F5: variants seen among roughly 807,000 people sequenced by gnomAD.
The protein encoded by F5 is activated protein c cofactor.
In F5, 138 loss-of-function variants were observed where a neutral mutation model predicts 216.4. The ratio of observed to expected loss-of-function variants is 0.64; its 90% confidence interval spans 0.56 to 0.73. F5 has a LOEUF of 0.73. Among genes scored for constraint, F5 ranks in the 30% least tolerant of loss-of-function variants. The pLI, the probability that F5 is intolerant of heterozygous loss-of-function variation, is 0.00. For synonymous variants in F5, 916 were observed against 930.7 expected (o/e 0.98, Z 0.29); for missense variants, 2,403 against 2,674.0 (o/e 0.90, Z 2.24).
chr1:169,554,212 G>A (rs560909461), intron 7 of F5, among the ~76,000 whole-genome samples: 3 of 85,480 alleles, frequency 3.5e-5, no homozygotes, highest in African/African-American at 1.2e-4. Context: ...AATTTCATGC[G>A]TGTAATTCCA....
At position 169,529,802 on chromosome 1, in the gene F5, G is replaced by A; in HGVS notation, c.5225C>T (p.Ser1742Leu). ...SAVNPEKDIH[S>L]GLIGPLLICQ... ...GATTAGGAGGGGACCTATCAAGCCT[G>A]AGTGAATATCTTTTTCCTGGAAAAA... is the stretch of plus-strand genomic sequence containing the variant. Residue 1742 changes from serine to leucine, a missense_variant, in exon 16 of 25, where the codon TCA (serine) becomes TTA (leucine). Ser to Leu is a moderately radical substitution (Grantham distance 145). This residue lies in a region of F5 where 659 missense variants were observed against 787.9 expected (regional missense o/e 0.84). Coordinates refer to ENST00000367797, the MANE Select transcript of F5 (RefSeq NM_000130.5). 1 of 1,613,380 alleles carries A rather than the reference G, an allele frequency of 6.2e-7. No homozygotes were observed. The highest frequency in any genetic ancestry group is 8.5e-7 in the Non-Finnish European group (1 of 1,179,558).
In F5 at chr1:169,511,973, AT is replaced by A. The variant is rs1271476441; in HGVS notation, c.*2339del. 6.6e-6 allele frequency among the ~76,000 whole-genome samples: 1 copy of A among 152,018 alleles called. No homozygotes were observed. The highest frequency in any genetic ancestry group is 1.5e-5 in the Non-Finnish European group (1 of 67,952). On this transcript the variant is annotated 3_prime_UTR_variant, in exon 25 of 25. Transcript: ENST00000367797. ...GAAATAAAAAGTGGGTATCTTTTTT[AT>A]TTCAAAATAACAGGGGTTTTAATAT...
At chr1:169,516,597 T>C (rs1356142872) in intron 23 of F5, among the ~76,000 whole-genome samples, 1 of 152,224 alleles carries the variant, frequency 6.6e-6, no homozygotes, top group East Asian at 1.9e-4. Flanking sequence ...CATCCTCTAG[T>C]GACATCTGGG....
At chr1:169,583,104 A>G (rs531946243) in intron 1 of F5, among the ~76,000 whole-genome samples, 1 of 152,348 alleles carries the variant, frequency 6.6e-6, no homozygotes, top group African/African-American at 2.4e-5. Flanking sequence ...AACCAAGATT[A>G]AAAAATGTGA....
At position 169,530,832 on chromosome 1, in the gene F5, G is replaced by C; in HGVS notation, c.5162C>G (p.Pro1721Arg). Residue 1721 changes from proline (P) to arginine (R), a missense_variant, in exon 15 of 25, where the codon CCT becomes CGT. Around this residue, in one of 4 missense-constraint regions of F5, gnomAD observed 659 missense variants for 787.9 expected, o/e 0.84. Coordinates refer to ENST00000367797, the MANE Select transcript of F5 (RefSeq NM_000130.5). ...GGCCCAAGCCCGACAGGCAGAGCCAGGACTTTCTGGCCCTGATCGCTCAGT... is the reference window on the plus strand; with the variant it reads ...GGCCCAAGCCCGACAGGCAGAGCCACGACTTTCTGGCCCTGATCGCTCAGT... ...HATERSGPES[P>R]GSACRAWAYY... 6.2e-7 allele frequency: 1 copy of C among 1,613,932 alleles called. No individual in the cohort carries two copies. The highest frequency in any genetic ancestry group is 1.1e-5 in the South Asian group (1 of 91,078).
At chr1:169,516,502 AC>A (rs1172173903) in intron 23 of F5, among the ~76,000 whole-genome samples, 1 of 152,260 alleles carries the variant, frequency 6.6e-6, no homozygotes, top group Non-Finnish European at 1.5e-5. Flanking sequence ...ATATGTGTAT[AC>A]ACAAAAATTC....
chr1:169,580,782 T>C (rs992596703), intron 2 of F5, among the ~76,000 whole-genome samples: 4 of 152,200 alleles, frequency 2.6e-5, no homozygotes, highest in African/African-American at 9.7e-5. Context: ...TGGAGAAATA[T>C]AGATATATAG....
chr1:169,549,664 A>G (rs987013300), intron 10 of F5, 137 bp downstream of exon 10: 1 of 662,310 alleles, frequency 1.5e-6, no homozygotes, highest in Admixed American at 2.6e-5. Context: ...ATGTTATCAC[A>G]CTGGTGCTAA....
chr1:169,517,218 C>T (rs1411007079), intron 23 of F5, among the ~76,000 whole-genome samples: 2 of 152,094 alleles, frequency 1.3e-5, no homozygotes, highest in Non-Finnish European at 2.9e-5. Flanking sequence ...AGTCCTGATT[C>T]TGCTACCAAA....
chr1:169,537,571 C>T (rs983383519), intron 13 of F5, among the ~76,000 whole-genome samples: 5 of 151,918 alleles, frequency 3.3e-5, no homozygotes, highest in African/African-American at 1.2e-4. Flanking sequence ...GGAGAATATT[C>T]TTGAAAACCA....
In F5 at chr1:169,540,932, T is replaced by C; in HGVS notation, c.4158A>G (p.Pro1386=). The C allele has an allele frequency of 6.2e-7, 1 of 1,614,016 alleles. No homozygotes were observed. ...CAAAGAGGGGCATCTCACTGAGGTCTGGGGAAAGGTTTGTCTGACTGAGTT... is the reference window on the plus strand; with the variant it reads ...CAAAGAGGGGCATCTCACTGAGGTCCGGGGAAAGGTTTGTCTGACTGAGTT... The part of the protein sequence containing the change: ...SPELSQTNLS[P]DLSEMPLFAD... The change falls in exon 13 of 25, where the codon CCA becomes CCG. Residue 1386 remains proline (P), a synonymous_variant. Coordinates refer to ENST00000367797, the MANE Select transcript of F5 (RefSeq NM_000130.5).
At chr1:169,573,303 C>T (rs1259770224) in intron 2 of F5, among the ~76,000 whole-genome samples, 1 of 152,160 alleles carries the variant, frequency 6.6e-6, no homozygotes, top group African/African-American at 2.4e-5. Context: ...ACAGCAGAGA[C>T]ATAGTATAAC....
chr1:169,523,708 C>T, intron 20 of F5, 93 bp downstream of exon 20: 1 of 1,163,160 alleles, frequency 8.6e-7, no homozygotes. Flanking sequence ...TTTCCCCTAA[C>T]AACATTGCAA....
chr1:169,547,053 G>A (rs913108755), intron 10 of F5, among the ~76,000 whole-genome samples: 4 of 152,026 alleles, frequency 2.6e-5, no homozygotes, highest in African/African-American at 4.8e-5. Flanking sequence ...AGCTACTCGG[G>A]AGGCCGAGGG....
At chr1:169,585,896 G>A (rs1661093060) in intron 1 of F5, among the ~76,000 whole-genome samples, 1 of 152,196 alleles carries the variant, frequency 6.6e-6, no homozygotes. Flanking sequence ...AAGGGCTAAT[G>A]AGGGAGCAAG....
intron 20 of F5, 49 bp downstream of exon 20, chr1:169,523,752 T>G (rs1488248318): frequency 6.9e-7 from 1 of 1,450,858 alleles, no homozygotes; most frequent in East Asian, 2.3e-5. Context: ...ATCACTTTCA[T>G]TTTTATTATT....
At chr1:169,554,666 G>T (rs376216482) in intron 7 of F5, among the ~76,000 whole-genome samples, 2 of 152,138 alleles carry the variant, frequency 1.3e-5, no homozygotes, top group East Asian at 3.8e-4. Context: ...AATCTTCCAC[G>T]AACAATATAT....
rs555573067 is a variant in F5, at chr1:169,582,730, A to G, written c.159-208T>C. On this transcript the variant is annotated intron_variant, in intron 1 of 24. Coordinates refer to ENST00000367797, the MANE Select transcript of F5 (RefSeq NM_000130.5). Reference sequence around the variant, plus strand: ...GTCTCTTCAAAAATATCCTGTTGTGATAACTATTTGTTCACAAGTTAATCT... The same window carrying G: ...GTCTCTTCAAAAATATCCTGTTGTGGTAACTATTTGTTCACAAGTTAATCT... Among the ~76,000 whole-genome samples the G allele has an allele frequency of 2.0e-4, 30 of 152,370 alleles. 1 individual carries two copies. The highest frequency in any genetic ancestry group is 6.3e-4 in the African/African-American group (26 of 41,596).
intron 3 of F5, among the ~76,000 whole-genome samples, chr1:169,570,741 AAT>A (rs1271057599): frequency 1.3e-5 from 2 of 152,182 alleles, no homozygotes; most frequent in African/African-American, 2.4e-5. Context: ...TTTTAAGATA[AAT>A]ACTAAATTAT....
Sources: allele counts gnomAD v4.1 joint callset (sites outside exome capture counted in the v4.1 genomes callset), GRCh38; gene constraint gnomAD v4.1.1; regional missense constraint gnomAD v4.1.1; transcripts MANE v1.5; gene names NCBI Gene and HGNC (gene_info 2026-07-23, HGNC 2026-07-21).